EFCAB11: variants seen among roughly 807,000 people sequenced by gnomAD.
EFCAB11 encodes the protein EF-hand calcium binding domain 11.
Under a neutral mutation model 23.0 loss-of-function variants are expected in EFCAB11, and 14 were observed. The observed-to-expected ratio is 0.61, with a 90% CI of 0.40 to 0.95. The LOEUF (loss-of-function observed/expected upper bound fraction) is 0.95, where lower values mean the gene tolerates loss of function less well. Ranked by LOEUF, EFCAB11 falls within the 40% of genes least tolerant of loss-of-function variation. The pLI is 0.00. For missense variants in EFCAB11, 198 were observed against 195.8 expected (o/e 1.01, Z -0.07); for synonymous variants, 65 against 66.6 (o/e 0.98, Z 0.11).
intron 5 of EFCAB11, among the ~76,000 whole-genome samples, chr14:89,916,591 C>T (rs192714091): frequency 6.6e-6 from 1 of 152,356 alleles, no homozygotes; most frequent in Non-Finnish European, 1.5e-5. Flanking sequence ...CAATTCAACA[C>T]ATAATTTGAA....
chr14:89,881,452 C>CATATATATATATATATATATATGTAT (rs10530483), intron 5 of EFCAB11, among the ~76,000 whole-genome samples: 1 of 46,710 alleles, frequency 2.1e-5, no homozygotes, highest in Non-Finnish European at 4.8e-5. Flanking sequence ...TATGACTTGG[C>CATATATATATATATATATATATGTAT]ATATATATAT....
chr14:89,919,901 C>T (rs1057389855), intron 5 of EFCAB11, among the ~76,000 whole-genome samples: 5 of 152,122 alleles, frequency 3.3e-5, no homozygotes, highest in African/African-American at 1.2e-4. Flanking sequence ...GATAATGTGG[C>T]CCAGCTGGAA....
intron 3 of EFCAB11, among the ~76,000 whole-genome samples, chr14:89,947,820 T>C (rs1891033803): frequency 6.6e-6 from 1 of 152,228 alleles, no homozygotes; most frequent in Admixed American, 6.5e-5. Flanking sequence ...TCATTCATTC[T>C]CATGATTTTA....
chr14:89,894,436 C>G (rs1889096397), intron 5 of EFCAB11, among the ~76,000 whole-genome samples: 2 of 151,204 alleles, frequency 1.3e-5, no homozygotes, highest in African/African-American at 4.9e-5. Context: ...ACCTCCGCCC[C>G]CGACAGGCCC....
chr14:89,892,944 G>A (rs1173349427), intron 5 of EFCAB11, among the ~76,000 whole-genome samples: 3 of 152,100 alleles, frequency 2.0e-5, no homozygotes, highest in Admixed American at 6.6e-5. Flanking sequence ...TGAGAGCCCA[G>A]ATGTGCAACT....
intron 5 of EFCAB11, among the ~76,000 whole-genome samples, chr14:89,865,455 G>GGA (rs139270134): frequency 2.6e-5 from 4 of 151,290 alleles, no homozygotes; most frequent in African/African-American, 9.7e-5. Context: ...TGCTATGCGG[G>GGA]GAGAGAGAGA....
At chr14:89,844,760 G>T (rs1327286516) in intron 5 of EFCAB11, among the ~76,000 whole-genome samples, 1 of 152,236 alleles carries the variant, frequency 6.6e-6, no homozygotes, top group Non-Finnish European at 1.5e-5. Context: ...CAAAGTCCTG[G>T]TTGGAACTTA....
chr14:89,812,141 C>A (rs780628713), intron 5 of EFCAB11, among the ~76,000 whole-genome samples: 1 of 151,850 alleles, frequency 6.6e-6, no homozygotes, highest in African/African-American at 2.4e-5. Flanking sequence ...TTTGGCAATC[C>A]GTGGGGAAAA....
chr14:89,943,612 C>T (rs971931918), intron 3 of EFCAB11, among the ~76,000 whole-genome samples: 1 of 152,162 alleles, frequency 6.6e-6, no homozygotes, highest in Non-Finnish European at 1.5e-5. Context: ...TTAATCTGCA[C>T]ATGTGCTCTC....
In EFCAB11 at chr14:89,950,143, C is replaced by A; in HGVS notation, c.172-1G>T. On this transcript the variant is annotated splice_acceptor_variant, in intron 2 of 5. Transcript: ENST00000316738. LOFTEE classifies it high-confidence loss of function. ...AAGACATCACAGAATCCACTTCTATCTAGAAAAGAGGAAAAAATAATAGAA... is the reference window on the plus strand; with the variant it reads ...AAGACATCACAGAATCCACTTCTATATAGAAAAGAGGAAAAAATAATAGAA... 3 of 1,556,924 alleles carry A rather than the reference C, an allele frequency of 1.9e-6. No homozygotes were observed. The highest frequency in any genetic ancestry group is 2.6e-6 in the Non-Finnish European group (3 of 1,140,560).
intron 5 of EFCAB11, among the ~76,000 whole-genome samples, chr14:89,811,225 T>C (rs1182952799): frequency 1.3e-5 from 2 of 151,988 alleles, no homozygotes; most frequent in Admixed American, 6.6e-5. Flanking sequence ...AGAGTGAGGA[T>C]GAGCATGGAG....
intron 3 of EFCAB11, among the ~76,000 whole-genome samples, chr14:89,936,347 T>C (rs1404005045): frequency 1.3e-5 from 2 of 152,238 alleles, no homozygotes; most frequent in African/African-American, 4.8e-5. Flanking sequence ...TTTGGAGCTG[T>C]GAAGTATTCA....
At chr14:89,898,532 T>G (rs2140199219) in intron 5 of EFCAB11, among the ~76,000 whole-genome samples, 1 of 152,192 alleles carries the variant, frequency 6.6e-6, no homozygotes, top group South Asian at 2.1e-4. Context: ...GTGTGGCTAA[T>G]TTTTGTATTT....
chr14:89,831,322 G>A (rs1886876677), intron 5 of EFCAB11: 1 of 152,170 alleles, frequency 6.6e-6, no homozygotes, highest in African/African-American at 2.4e-5. Flanking sequence ...TTTTGAACAT[G>A]GAGATGTCTA....
intron 5 of EFCAB11, among the ~76,000 whole-genome samples, chr14:89,930,405 C>T (rs963328226): frequency 2.0e-5 from 3 of 152,234 alleles, no homozygotes; most frequent in African/African-American, 7.2e-5. Flanking sequence ...ATCAGAACCT[C>T]TATTCGTGGG....
At chr14:89,947,728 T>C (rs955783765) in intron 3 of EFCAB11, among the ~76,000 whole-genome samples, 3 of 152,188 alleles carry the variant, frequency 2.0e-5, no homozygotes, top group Admixed American at 1.3e-4. Flanking sequence ...TAAGTCTCCT[T>C]TGCCATTTCT....
At chr14:89,807,213 TAGAA>T (rs1009754332) in intron 5 of EFCAB11, among the ~76,000 whole-genome samples, 1 of 152,230 alleles carries the variant, frequency 6.6e-6, no homozygotes, top group African/African-American at 2.4e-5. Context: ...ATGATCTGGC[TAGAA>T]AGAAAGCATA....
At chr14:89,878,220 A>G (rs1478037529) in intron 5 of EFCAB11, among the ~76,000 whole-genome samples, 1 of 152,308 alleles carries the variant, frequency 6.6e-6, no homozygotes, top group East Asian at 1.9e-4. Context: ...CCCCTGTGGT[A>G]GTGTGGTATG....
intron 5 of EFCAB11, among the ~76,000 whole-genome samples, chr14:89,929,204 C>T (rs2139804444): frequency 6.6e-6 from 1 of 151,954 alleles, no homozygotes; most frequent in Non-Finnish European, 1.5e-5. Context: ...CAGGTATATG[C>T]CACCATACCT....
Sources: gnomAD v4.1 joint callset for allele counts (sites outside exome capture counted in the v4.1 genomes callset) on GRCh38, gnomAD v4.1.1 for gene constraint, MANE v1.5 for transcripts, NCBI Gene and HGNC (gene_info 2026-07-23, HGNC 2026-07-21) for gene names.